SCFD2: variants seen among roughly 807,000 people sequenced by gnomAD.
SCFD2 encodes the protein sec1 family domain containing 2.
Under a neutral mutation model 58.9 loss-of-function variants are expected in SCFD2, and 54 were observed. That is an observed-to-expected ratio of 0.92 (90% CI 0.74 to 1.15). The LOEUF is 1.15. Among genes scored for constraint, SCFD2 ranks in the 50% most tolerant of loss-of-function variants. The pLI, the probability that SCFD2 is intolerant of heterozygous loss-of-function variation, is 0.00. For missense variants in SCFD2, 805 were observed against 836.6 expected (o/e 0.96, Z 0.47); for synonymous variants, 321 against 335.9 (o/e 0.96, Z 0.49).
chr4:53,178,395 G>C (rs1389582332), intron 4 of SCFD2, among the ~76,000 whole-genome samples: 1 of 152,162 alleles, frequency 6.6e-6, no homozygotes, highest in Non-Finnish European at 1.5e-5. Context: ...ACAGGGTCTG[G>C]AGTGGACCTC....
At chr4:53,345,991 C>G (rs906384481) in intron 2 of SCFD2, among the ~76,000 whole-genome samples, 1 of 152,106 alleles carries the variant, frequency 6.6e-6, no homozygotes, top group African/African-American at 2.4e-5. Context: ...AGGAGAAATA[C>G]CTAACGTAAA....
intron 4 of SCFD2, among the ~76,000 whole-genome samples, chr4:53,205,047 C>T (rs1445008964): frequency 6.6e-6 from 1 of 151,868 alleles, no homozygotes; most frequent in East Asian, 1.9e-4. Context: ...CTGGAAATTA[C>T]TAGACAATGT....
At chr4:53,322,324 C>T (rs143043941) in intron 2 of SCFD2, among the ~76,000 whole-genome samples, 1,936 of 152,262 alleles carry the variant, frequency 0.013, 36 homozygotes, top group African/African-American at 0.044. Context: ...AATTATAATG[C>T]ATTAGCATGC....
chr4:53,014,240 T>C (rs1395339532), intron 5 of SCFD2, among the ~76,000 whole-genome samples: 1 of 152,162 alleles, frequency 6.6e-6, no homozygotes, highest in African/African-American at 2.4e-5. Context: ...GCAGTGATTG[T>C]TCCAGGCAAA....
chr4:53,308,294 A>AAAAC (rs1295617972), intron 3 of SCFD2, among the ~76,000 whole-genome samples: 1 of 152,226 alleles, frequency 6.6e-6, no homozygotes, highest in African/African-American at 2.4e-5. Flanking sequence ...ATCAACTAAT[A>AAAAC]TATAAAAACA....
At chr4:52,982,011 G>A (rs1023810530) in intron 5 of SCFD2, among the ~76,000 whole-genome samples, 3 of 152,168 alleles carry the variant, frequency 2.0e-5, no homozygotes, top group Non-Finnish European at 4.4e-5. Context: ...GAATCAAGAG[G>A]ACTTACGGAC....
chr4:53,176,245 A>G (rs1202077328), intron 4 of SCFD2, among the ~76,000 whole-genome samples: 1 of 152,260 alleles, frequency 6.6e-6, no homozygotes, highest in East Asian at 1.9e-4. Flanking sequence ...AGTATAAGTA[A>G]AACATATTTT....
At chr4:53,105,750 G>A (rs1209823406) in intron 5 of SCFD2, among the ~76,000 whole-genome samples, 1 of 152,178 alleles carries the variant, frequency 6.6e-6, no homozygotes, top group Non-Finnish European at 1.5e-5. Flanking sequence ...AGGAGCGGCT[G>A]TGGGCGCAGC....
intron 4 of SCFD2, among the ~76,000 whole-genome samples, chr4:53,209,128 G>A (rs918093337): frequency 1.3e-5 from 2 of 152,220 alleles, no homozygotes; most frequent in South Asian, 2.1e-4. Flanking sequence ...TCCTATGGAG[G>A]TTACATGATA....
intron 7 of SCFD2, among the ~76,000 whole-genome samples, chr4:52,901,887 T>C (rs1041452367): frequency 1.3e-5 from 2 of 152,200 alleles, no homozygotes; most frequent in African/African-American, 2.4e-5. Context: ...TCGCAGAGGA[T>C]TTGTTTGATG....
chr4:53,237,608 T>C (rs1198697926), intron 4 of SCFD2, among the ~76,000 whole-genome samples: 6 of 83,180 alleles, frequency 7.2e-5, no homozygotes, highest in Admixed American at 1.3e-4. Flanking sequence ...GAGGCGCCCC[T>C]CACCTCCCGG....
At chr4:53,123,829 T>A (rs1307706788) in intron 5 of SCFD2, among the ~76,000 whole-genome samples, 1 of 152,200 alleles carries the variant, frequency 6.6e-6, no homozygotes, top group Non-Finnish European at 1.5e-5. Context: ...CAGACAGGCC[T>A]CCTCAGCTTT....
intron 7 of SCFD2, among the ~76,000 whole-genome samples, chr4:52,892,925 T>C (rs148163286): frequency 6.6e-6 from 1 of 152,376 alleles, no homozygotes; most frequent in East Asian, 1.9e-4. Flanking sequence ...TGCTTTACAG[T>C]TCATACCAAA....
At chr4:53,228,931 A>T (rs1331010336) in intron 4 of SCFD2, among the ~76,000 whole-genome samples, 2 of 152,234 alleles carry the variant, frequency 1.3e-5, no homozygotes, top group Non-Finnish European at 2.9e-5. Context: ...GTCTCAGGAT[A>T]CAAAATCAAT....
At chr4:53,248,141 T>C (rs1730176585) in intron 4 of SCFD2, among the ~76,000 whole-genome samples, 2 of 152,292 alleles carry the variant, frequency 1.3e-5, no homozygotes, top group South Asian at 2.1e-4. Context: ...GTTCCCTTTC[T>C]TGGTCAAGGA....
intron 5 of SCFD2, among the ~76,000 whole-genome samples, chr4:53,081,875 T>C (rs1376278857): frequency 1.3e-5 from 2 of 152,112 alleles, no homozygotes; most frequent in Admixed American, 6.6e-5. Flanking sequence ...CACTCTACCA[T>C]CAGCCCTAGG....
chr4:53,320,543 G>A (rs1577964738), intron 2 of SCFD2, among the ~76,000 whole-genome samples: 1 of 152,114 alleles, frequency 6.6e-6, no homozygotes, highest in African/African-American at 2.4e-5. Flanking sequence ...CTTAAACCTG[G>A]GAGGTGGAAG....
At chr4:53,160,331 G>A (rs1427257604) in intron 4 of SCFD2, among the ~76,000 whole-genome samples, 1 of 152,174 alleles carries the variant, frequency 6.6e-6, no homozygotes, top group Non-Finnish European at 1.5e-5. Flanking sequence ...GTATAGGCAG[G>A]GAGACAGGAA....
Position 53,238,190 on chromosome 4 carries a change from C to A in SCFD2, c.1311+35636G>T, listed in dbSNP as rs1435782251. Among the ~76,000 whole-genome samples the A allele has an allele frequency of 7.2e-5, 10 of 139,622 alleles. No homozygotes were observed. The East Asian group carries it at 1.2e-3, about 17-fold the overall frequency. 91.6% of individuals were successfully genotyped at this position (139,622 alleles called of 152,430 possible). On this transcript the variant is annotated intron_variant, in intron 4 of 8. Transcript: ENST00000401642. ...TGGCCGGGCGGGGGGCTGACCCCCC[C>A]ACCTCCCTCCCGGACGGGGCGGCTG...
Sources: gnomAD v4.1 joint callset for allele counts (sites outside exome capture counted in the v4.1 genomes callset) on GRCh38, gnomAD v4.1.1 for gene constraint, MANE v1.5 for transcripts, NCBI Gene and HGNC (gene_info 2026-07-23, HGNC 2026-07-21) for gene names.